RAD54B: variants seen among roughly 807,000 people sequenced by gnomAD.
The protein encoded by RAD54B is RAD54 homolog B.
RAD54B carries 78 observed loss-of-function variants against 95.8 expected under a neutral mutation model. That is an observed-to-expected ratio of 0.81 (90% CI 0.68 to 0.98). RAD54B has a LOEUF of 0.98. Among genes scored for constraint, RAD54B ranks in the 50% least tolerant of loss-of-function variants. The probability of loss-of-function intolerance (pLI) is 0.00; values close to 1 mark genes in which losing one functional copy is unlikely to be tolerated. For synonymous variants in RAD54B, 328 were observed against 354.9 expected, an observed-to-expected ratio of 0.92 and a Z score of 0.85; for missense variants, 957 against 1,056.6, an observed-to-expected ratio of 0.91 and a Z score of 1.31.
rs537712504 is a variant in RAD54B at position 94,382,113 on chromosome 8, C to CAA, written c.1986-1709_1986-1708dup. ...TGGGCGACAGAGCAAGACTCCCTCTCAAAAAAAAAAAAAAAAAGAGAGCGA... is the reference window on the plus strand; with the variant it reads ...TGGGCGACAGAGCAAGACTCCCTCTCAAAAAAAAAAAAAAAAAAAGAGAGCGA... On this transcript the variant is annotated intron_variant, in intron 11 of 14. Transcript: ENST00000336148. 5.4e-3 allele frequency among the ~76,000 whole-genome samples: 575 copies of CAA among 106,740 alleles called. 9 individuals carry two copies. Among genetic ancestry groups the CAA allele is most frequent in the East Asian group, 0.021 (84 of 3,938 alleles). 70.0% of individuals were successfully genotyped at this position (106,740 alleles called of 152,430 possible).
chr8:94,414,759 A>G (rs1279171197), intron 3 of RAD54B, among the ~76,000 whole-genome samples: 1 of 152,174 alleles, frequency 6.6e-6, no homozygotes, highest in African/African-American at 2.4e-5. Flanking sequence ...GTGAACTCCC[A>G]TTCACAATTG....
At chr8:94,382,425 G>A (rs1810766976) in intron 11 of RAD54B, among the ~76,000 whole-genome samples, 1 of 152,192 alleles carries the variant, frequency 6.6e-6, no homozygotes, top group Non-Finnish European at 1.5e-5. Context: ...AGAAGTTTAT[G>A]ACAAGGGAAG....
At chr8:94,417,429 A>T (rs190971613) in intron 3 of RAD54B, among the ~76,000 whole-genome samples, 12 of 151,906 alleles carry the variant, frequency 7.9e-5, no homozygotes, top group African/African-American at 2.2e-4. Context: ...GCTGTTTAAA[A>T]CACACACACA....
At chr8:94,440,521 T>C (rs1174889584) in intron 3 of RAD54B, among the ~76,000 whole-genome samples, 2 of 152,212 alleles carry the variant, frequency 1.3e-5, no homozygotes, top group African/African-American at 4.8e-5. Context: ...ATGGAACTGG[T>C]AAAAGACATC....
chr8:94,380,383 G>A lies in RAD54B; in HGVS notation c.2009C>T (p.Thr670Ile), dbSNP rs1031441076. The A allele has an allele frequency of 3.1e-6, 5 of 1,609,730 alleles. No homozygotes were observed. Among genetic ancestry groups the A allele is most frequent in the Non-Finnish European group, 4.2e-6 (5 of 1,176,846 alleles). Residue 670 changes from threonine to isoleucine, a missense_variant, in exon 12 of 15, where the codon ACA becomes ATA. Coordinates refer to ENST00000336148, the MANE Select transcript of RAD54B (RefSeq NM_012415.3). ...TTCTTGTAAAATGTTCAAGGTTTGT[G>A]TATAGTTGGATACCAACACCACCCT... ...TEKVVLVSNY[T>I]QTLNILQEVC...
intron 9 of RAD54B, among the ~76,000 whole-genome samples, chr8:94,392,498 GTGA>G (rs1811045967): frequency 6.6e-6 from 1 of 152,194 alleles, no homozygotes; most frequent in Non-Finnish European, 1.5e-5. Flanking sequence ...CTGACATCAA[GTGA>G]TCCACCTGCC....
In RAD54B at chr8:94,404,242, T is replaced by G. The variant is rs1563644011; in HGVS notation, c.782-3A>C. On this transcript the variant is annotated splice_region_variant and splice_polypyrimidine_tract_variant and intron_variant, in intron 5 of 14. Coordinates refer to ENST00000336148, the MANE Select transcript of RAD54B (RefSeq NM_012415.3). The stretch of plus-strand genomic sequence containing the variant: ...TGGTCGTGGCATAACGAGGGAATCT[T>G]AAAAAATGATAAAAGTACAAGTATT... The G allele has an allele frequency of 1.3e-6, 2 of 1,576,250 alleles. No individual in the cohort carries two copies. Among genetic ancestry groups the G allele is most frequent in the Non-Finnish European group, 1.7e-6 (2 of 1,165,244 alleles).
intron 3 of RAD54B, among the ~76,000 whole-genome samples, chr8:94,416,379 G>A (rs980933957): frequency 3.4e-4 from 51 of 152,060 alleles, no homozygotes; most frequent in African/African-American, 1.1e-3. Flanking sequence ...GGTGGGGCGA[G>A]GGGGGAGGGA....
chr8:94,385,059 C>A (rs1810837483), intron 11 of RAD54B, among the ~76,000 whole-genome samples: 1 of 152,116 alleles, frequency 6.6e-6, no homozygotes, highest in South Asian at 2.1e-4. Context: ...GCTGAGGTCA[C>A]ACCACTGCAC....
At chr8:94,436,892 A>G (rs978559543) in intron 3 of RAD54B, 2 of 1,490,170 alleles carry the variant, frequency 1.3e-6, no homozygotes, top group African/African-American at 2.8e-5. Context: ...TTAAGTAGGC[A>G]GTTTCTGAAA....
At chr8:94,473,877 A>C (rs916868821) in intron 1 of RAD54B, among the ~76,000 whole-genome samples, 1 of 152,210 alleles carries the variant, frequency 6.6e-6, no homozygotes, top group Non-Finnish European at 1.5e-5. Context: ...TTCCTAATTT[A>C]GGACGGTGTC....
intron 3 of RAD54B, among the ~76,000 whole-genome samples, chr8:94,449,048 GCA>G (rs137936104): frequency 2.0e-5 from 3 of 150,066 alleles, no homozygotes; most frequent in Non-Finnish European, 3.0e-5. Context: ...ACACATGCAT[GCA>G]CACACACACA....
rs2291439 is a variant in RAD54B, at chr8:94,407,470, A to G, written c.750T>C (p.Asn250=). The change falls in exon 5 of 15, where the codon AAT becomes AAC. Residue 250 remains asparagine (N), a synonymous_variant. Coordinates refer to ENST00000336148, the MANE Select transcript of RAD54B (RefSeq NM_012415.3). ...SKENRQNDFQ[N]CKPRHDPYTP... ...TATATGGGTCATGGCGTGGTTTGCA[A>G]TTTTGGAAATCATTCTGTCTATTTT... 0.38 allele frequency: 606,939 copies of G among 1,612,734 alleles called. 116,582 individuals are homozygous for G. The highest frequency in any genetic ancestry group is 0.56 in the Admixed American group (33,706 of 59,942).
chr8:94,461,303 G>A (rs1430982606), intron 2 of RAD54B, among the ~76,000 whole-genome samples: 1 of 150,390 alleles, frequency 6.6e-6, no homozygotes, highest in Non-Finnish European at 1.5e-5. Flanking sequence ...CTCCCGAGTA[G>A]CTGAGATTAC....
At chr8:94,429,966 T>A (rs928486330) in intron 3 of RAD54B, 98 of 985,118 alleles carry the variant, frequency 9.9e-5, no homozygotes, top group Middle Eastern at 5.2e-4. Flanking sequence ...AAATTAGCCC[T>A]CTAATTCAAA....
At chr8:94,474,035 T>TA (rs1266033900) in intron 1 of RAD54B, among the ~76,000 whole-genome samples, 1 of 152,190 alleles carries the variant, frequency 6.6e-6, no homozygotes, top group Admixed American at 6.5e-5. Context: ...AGCGCAGCCA[T>TA]AAAAAGGAAT....
chr8:94,374,233 A>C (rs990483168), intron 14 of RAD54B, among the ~76,000 whole-genome samples: 13 of 151,796 alleles, frequency 8.6e-5, no homozygotes, highest in East Asian at 1.9e-4. Context: ...GAGCCGAGAT[A>C]GCGCCACTGC....
intron 3 of RAD54B, among the ~76,000 whole-genome samples, chr8:94,439,068 G>A (rs962961358): frequency 2.6e-5 from 4 of 151,988 alleles, no homozygotes; most frequent in Admixed American, 6.5e-5. Context: ...CTCCAGCCTC[G>A]GTGACAGAGC....
At chr8:94,377,645 C>A (rs1371568705) in intron 14 of RAD54B, among the ~76,000 whole-genome samples, 1 of 145,886 alleles carries the variant, frequency 6.9e-6, no homozygotes, top group Non-Finnish European at 1.5e-5. Context: ...CAATTTTTCA[C>A]AAGTGATTCA....
Sources: allele counts gnomAD v4.1 joint callset (sites outside exome capture counted in the v4.1 genomes callset), GRCh38; gene constraint gnomAD v4.1.1; transcripts MANE v1.5; gene names NCBI Gene and HGNC (gene_info 2026-07-23, HGNC 2026-07-21).